Variants in SORCS3 observed in about 807,000 individuals in gnomAD.
The protein encoded by SORCS3 is VPS10 domain-containing receptor SorCS3.
Under a neutral mutation model 146.3 loss-of-function variants are expected in SORCS3, and 57 were observed. The ratio of observed to expected loss-of-function variants is 0.39; its 90% confidence interval spans 0.31 to 0.49. The LOEUF is 0.49. SORCS3 is among the 20% of genes least tolerant of loss of function. SORCS3 has a pLI of 0.92. For synonymous variants in SORCS3, 653 were observed against 618.5 expected, an observed-to-expected ratio of 1.06 and a Z score of -0.83; for missense variants, 1,341 against 1,575.5, an observed-to-expected ratio of 0.85 and a Z score of 2.52.
At chr10:104,892,558 C>T (rs1389415032) in intron 2 of SORCS3, among the ~76,000 whole-genome samples, 1 of 152,080 alleles carries the variant, frequency 6.6e-6, no homozygotes, top group Non-Finnish European at 1.5e-5. Flanking sequence ...CCCATCTCTA[C>T]TAAAAATACA....
intron 4 of SORCS3, among the ~76,000 whole-genome samples, chr10:105,027,039 C>T (rs1172905768): frequency 1.3e-5 from 2 of 152,272 alleles, no homozygotes; most frequent in African/African-American, 4.8e-5. Flanking sequence ...CTGCCTTTGA[C>T]GTGATCTTGT....
intron 1 of SORCS3, among the ~76,000 whole-genome samples, chr10:104,756,725 C>T (rs1268242402): frequency 6.6e-6 from 1 of 152,202 alleles, no homozygotes; most frequent in Non-Finnish European, 1.5e-5. Context: ...GGCACCGATC[C>T]TCAGACAGTG....
intron 1 of SORCS3, among the ~76,000 whole-genome samples, chr10:104,768,165 C>T (rs1272838616): frequency 6.6e-6 from 1 of 152,214 alleles, no homozygotes; most frequent in Non-Finnish European, 1.5e-5. Flanking sequence ...GTTTAAAGTA[C>T]AGCTTCTTGA....
chr10:104,671,123 C>G (rs941818412), intron 1 of SORCS3, among the ~76,000 whole-genome samples: 1 of 150,838 alleles, frequency 6.6e-6, no homozygotes, highest in Non-Finnish European at 1.5e-5. Context: ...CTTTCCAATT[C>G]GTATGCCTTT....
chr10:105,191,415 T>C (rs56689539), intron 14 of SORCS3, among the ~76,000 whole-genome samples: 2 of 152,286 alleles, frequency 1.3e-5, no homozygotes, highest in African/African-American at 4.8e-5. Context: ...TCAAAACCTG[T>C]ACAGTTTTGT....
chr10:104,688,292 C>T (rs2016071397), intron 1 of SORCS3, among the ~76,000 whole-genome samples: 1 of 152,204 alleles, frequency 6.6e-6, no homozygotes, highest in African/African-American at 2.4e-5. Context: ...AGCCTGGAGG[C>T]TGAAAGCTCT....
At chr10:105,004,113 T>C (rs575015444) in intron 4 of SORCS3, among the ~76,000 whole-genome samples, 15 of 152,116 alleles carry the variant, frequency 9.9e-5, no homozygotes, top group African/African-American at 3.6e-4. Context: ...TTTATGGGAC[T>C]GTGGGTGGCT....
chr10:105,177,594 G>A (rs2056414996), intron 13 of SORCS3, among the ~76,000 whole-genome samples: 1 of 152,074 alleles, frequency 6.6e-6, no homozygotes, highest in African/African-American at 2.4e-5. Flanking sequence ...GTGGCACTGG[G>A]GAGGGAAAAT....
At chr10:105,029,833 T>G (rs774279725) in intron 4 of SORCS3, among the ~76,000 whole-genome samples, 4 of 152,218 alleles carry the variant, frequency 2.6e-5, no homozygotes, top group Non-Finnish European at 5.9e-5. Context: ...CCAAGCTTCC[T>G]CAAGAATTAC....
intron 2 of SORCS3, among the ~76,000 whole-genome samples, chr10:104,862,450 A>C (rs1038778706): frequency 6.6e-6 from 1 of 152,216 alleles, no homozygotes; most frequent in Non-Finnish European, 1.5e-5. Flanking sequence ...TAAGCAGATA[A>C]GTGACATTTA....
chr10:104,851,001 C>A (rs1467050198), intron 2 of SORCS3, among the ~76,000 whole-genome samples: 1 of 152,206 alleles, frequency 6.6e-6, no homozygotes, highest in African/African-American at 2.4e-5. Flanking sequence ...TTAGCCAGAA[C>A]ACCTGTCTAA....
intron 23 of SORCS3, among the ~76,000 whole-genome samples, chr10:105,253,222 C>G (rs999859349): frequency 2.7e-5 from 4 of 147,490 alleles, no homozygotes; most frequent in South Asian, 2.2e-4. Context: ...GAGAGAGAGA[C>G]AGACAGAGAG....
intron 2 of SORCS3, among the ~76,000 whole-genome samples, chr10:104,865,593 T>C (rs2018450891): frequency 6.6e-6 from 1 of 152,148 alleles, no homozygotes; most frequent in Admixed American, 6.5e-5. Context: ...GTCCAGTATT[T>C]AGTGGTTTGT....
chr10:104,841,538 T>C (rs946761736), intron 1 of SORCS3, among the ~76,000 whole-genome samples: 12 of 152,242 alleles, frequency 7.9e-5, no homozygotes, highest in African/African-American at 2.6e-4. Context: ...ATTTTTTTCT[T>C]GGTTTATATA....
At position 105,210,677 on chromosome 10, in the gene SORCS3, G is replaced by T. The variant is rs572301742; in HGVS notation, c.2262-460G>T. 8.5e-5 allele frequency among the ~76,000 whole-genome samples: 13 copies of T among 152,154 alleles called. 1 individual carries two copies. In the South Asian group the frequency reaches 2.5e-3, roughly 29 times the overall value. ...TATTTTTAGGGAAATAGGGGCCTTT[G>T]TTTTATCTCATCAGGAAAAGTTTGA... On this transcript the variant is annotated intron_variant, in intron 16 of 26. Transcript: ENST00000369701.
At chr10:104,770,824 C>T (rs536851710) in intron 1 of SORCS3, among the ~76,000 whole-genome samples, 16 of 151,944 alleles carry the variant, frequency 1.1e-4, no homozygotes, top group African/African-American at 3.9e-4. Flanking sequence ...CAGGAAGAAG[C>T]CCCATCTCAA....
chr10:105,016,134 A>AATATATATATATATATAT (rs1355412638), intron 4 of SORCS3, among the ~76,000 whole-genome samples: 111 of 113,512 alleles, frequency 9.8e-4, no homozygotes, highest in Non-Finnish European at 1.3e-3. Context: ...ATATTATATA[A>AATATATATATATATATAT]ATATATATAT....
At chr10:105,067,022 T>C (rs943387649) in intron 5 of SORCS3, among the ~76,000 whole-genome samples, 4 of 152,196 alleles carry the variant, frequency 2.6e-5, no homozygotes, top group Non-Finnish European at 5.9e-5. Context: ...CTTTTAATCT[T>C]GTCTCTTCCC....
chr10:104,739,616 G>A (rs1056293149), intron 1 of SORCS3, among the ~76,000 whole-genome samples: 2 of 152,186 alleles, frequency 1.3e-5, no homozygotes, highest in African/African-American at 2.4e-5. Context: ...GCAACAGGGG[G>A]AGGTCAACAG....
Sources: gnomAD v4.1 joint callset for allele counts (sites outside exome capture counted in the v4.1 genomes callset) on GRCh38, gnomAD v4.1.1 for gene constraint, MANE v1.5 for transcripts, NCBI Gene and HGNC (gene_info 2026-07-23, HGNC 2026-07-21) for gene names.